Variants in NGLY1 observed in about 807,000 individuals in gnomAD.
NGLY1 encodes N-glycanase 1, also known as peptide-N(4)-(N-acetyl-beta-glucosaminyl)asparagine amidase.
In NGLY1, 68 loss-of-function variants were observed where a neutral mutation model predicts 84.6. The observed-to-expected ratio is 0.80, with a 90% CI of 0.66 to 0.98. The LOEUF (loss-of-function observed/expected upper bound fraction) is 0.98. Ranked by LOEUF, NGLY1 falls within the 50% of genes least tolerant of loss-of-function variation. The pLI is 0.00. For missense variants in NGLY1, 779 were observed against 770.2 expected (o/e 1.01, Z -0.14); for synonymous variants, 280 against 275.2 (o/e 1.02, Z -0.17).
Position 25,739,802 on chromosome 3 carries a change from G to C in NGLY1, c.659-3C>G. ...ATCCTCATCACTTATATTGATACCTGAGAAATTAAGGGAGGACCAAGTAAG... is the reference window on the plus strand; with the variant it reads ...ATCCTCATCACTTATATTGATACCTCAGAAATTAAGGGAGGACCAAGTAAG... On this transcript the variant is annotated splice_polypyrimidine_tract_variant and splice_region_variant and intron_variant, in intron 4 of 11. Coordinates refer to ENST00000280700, the MANE Select transcript of NGLY1 (RefSeq NM_018297.4). 6.2e-7 allele frequency: 1 copy of C among 1,610,066 alleles called. No individual in the cohort carries two copies. Among genetic ancestry groups the C allele is most frequent in the Non-Finnish European group, 8.5e-7 (1 of 1,177,686 alleles).
intron 4 of NGLY1, among the ~76,000 whole-genome samples, chr3:25,745,915 T>C (rs1247101180): frequency 2.0e-5 from 3 of 152,246 alleles, no homozygotes; most frequent in African/African-American, 7.2e-5. Context: ...CTGCTGTATG[T>C]TCAATTATAG....
Position 25,764,266 on chromosome 3 carries a change from G to T in NGLY1, c.292C>A (p.Leu98Met). The change falls in exon 3 of 12, where the codon CTG becomes ATG. Residue 98 changes from leucine to methionine, a missense_variant. Coordinates refer to ENST00000280700, the MANE Select transcript of NGLY1 (RefSeq NM_018297.4). Reference protein sequence around the residue: ...IFPKKASVEQLQKIRDLIAIE... With the variant: ...IFPKKASVEQMQKIRDLIAIE... ...GCAATCAGGTCACGAATTTTTTGCA[G>T]CTGCTCCACTGAAGCTTTTTTAGGA... 1 of 1,614,022 alleles carries T rather than the reference G, an allele frequency of 6.2e-7. No individual in the cohort carries two copies. Among genetic ancestry groups the T allele is most frequent in the Non-Finnish European group, 8.5e-7 (1 of 1,180,010 alleles).
chr3:25,736,039 T>G lies in NGLY1; in HGVS notation c.1114A>C (p.Lys372Gln), dbSNP rs750369123. 2 of 1,613,944 alleles carry G rather than the reference T, an allele frequency of 1.2e-6. No individual in the cohort carries two copies. Among genetic ancestry groups the G allele is most frequent in the South Asian group, 2.2e-5 (2 of 91,048 alleles). The change falls in exon 7 of 12, where the codon AAG becomes CAG. Residue 372 changes from lysine to glutamine, a missense_variant. Coordinates refer to ENST00000280700, the MANE Select transcript of NGLY1 (RefSeq NM_018297.4). ...PLLYEIGWGK[K>Q]LSYVIAFSKD... is the part of the protein sequence containing the mutation. ...GAAAATGCTATGACATAGGAAAGCT[T>G]CTTGCCCCATCCTATTTCATAAAGG...
At chr3:25,775,927 A>G (rs1467894690) in intron 2 of NGLY1, among the ~76,000 whole-genome samples, 1 of 152,244 alleles carries the variant, frequency 6.6e-6, no homozygotes, top group Non-Finnish European at 1.5e-5. Flanking sequence ...TTCATTACAC[A>G]TTTGTATGCT....
rs1457146855 is a variant in NGLY1 at position 25,721,768 on chromosome 3, A to AG, written c.1612-1578_1612-1577insC. On this transcript the variant is annotated intron_variant, in intron 10 of 11. Coordinates refer to ENST00000280700, the MANE Select transcript of NGLY1 (RefSeq NM_018297.4). ...CATCTCAAAAAAAAAAAAAAAAAAAAAAAAAAGAAAAGAAAAAATCCTCCA... is the reference window on the plus strand; with the variant it reads ...CATCTCAAAAAAAAAAAAAAAAAAAAGAAAAAAGAAAAGAAAAAATCCTCCA... 1.3e-3 allele frequency among the ~76,000 whole-genome samples: 201 copies of AG among 150,814 alleles called. 1 individual carries two copies. The highest frequency in any genetic ancestry group is 4.6e-3 in the African/African-American group (189 of 41,140).
intron 3 of NGLY1, among the ~76,000 whole-genome samples, chr3:25,754,101 C>CA (rs1459364584): frequency 6.6e-6 from 1 of 152,120 alleles, no homozygotes; most frequent in African/African-American, 2.4e-5. Context: ...ACATTACCCT[C>CA]AAAAAGCAAG....
Position 25,719,405 on chromosome 3 carries a change from A to G in NGLY1, c.*55T>C, listed in dbSNP as rs1337966465. 14 of 1,509,430 alleles carry G rather than the reference A, an allele frequency of 9.3e-6. No individual in the cohort carries two copies. The highest frequency in any genetic ancestry group is 1.2e-5 in the Non-Finnish European group (13 of 1,093,724). The allele number at this position is 1,509,430 out of a possible 1,614,324, so 93.5% of individuals were successfully genotyped here. ...CCAACTAAGCATGCACTGAACCAAC[A>G]GACTACTTCAGTAAGTCCTTGATTA... On this transcript the variant is annotated 3_prime_UTR_variant, in exon 12 of 12. Transcript: ENST00000280700.
chr3:25,781,393 A>C (rs1197994038), intron 1 of NGLY1, among the ~76,000 whole-genome samples: 1 of 152,198 alleles, frequency 6.6e-6, no homozygotes, highest in African/African-American at 2.4e-5. Context: ...GAGTAAACTG[A>C]CCGTGGTTTT....
At chr3:25,770,656 T>C (rs1280095912) in intron 2 of NGLY1, among the ~76,000 whole-genome samples, 1 of 152,220 alleles carries the variant, frequency 6.6e-6, no homozygotes, top group African/African-American at 2.4e-5. Flanking sequence ...CTGTTTTCCA[T>C]AGGGGTCATA....
upstream of NGLY1, among the ~76,000 whole-genome samples, chr3:25,788,391 A>C (rs915965101): frequency 2.6e-5 from 4 of 152,224 alleles, no homozygotes; most frequent in African/African-American, 4.8e-5. Context: ...AGCAGAGCCC[A>C]TTTGAAGATT....
chr3:25,778,781 C>T (rs1708267267), intron 1 of NGLY1, 93 bp from the exon 2 acceptor site: 4 of 578,876 alleles, frequency 6.9e-6, no homozygotes, highest in South Asian at 5.9e-5. Context: ...CTAGGTATAC[C>T]TTTATAGTCA....
intron 4 of NGLY1, among the ~76,000 whole-genome samples, chr3:25,742,048 A>G (rs1001801475): frequency 6.6e-6 from 1 of 152,188 alleles, no homozygotes; most frequent in Non-Finnish European, 1.5e-5. Flanking sequence ...TAAATCAGTA[A>G]GAACATTAAG....
At position 25,736,384 on chromosome 3, in the gene NGLY1, T is replaced by C. The variant is rs562065034; in HGVS notation, c.1004-235A>G. ...CCTTTAACGTGGTCAGTTTTAGGCT[T>C]AATGTGCGCTGTAACTCTTAAGAAG... On this transcript the variant is annotated intron_variant, in intron 6 of 11. Transcript: ENST00000280700. 1.0e-5 allele frequency: 16 copies of C among 1,550,966 alleles called. No individual in the cohort carries two copies. In the East Asian group the frequency reaches 1.2e-4, roughly 12 times the overall value.
intron 8 of NGLY1, 68 bp from the exon 9 acceptor site, chr3:25,732,551 A>T: frequency 8.6e-7 from 1 of 1,159,756 alleles, no homozygotes; most frequent in Non-Finnish European, 1.2e-6. Flanking sequence ...TCTAAGCAAG[A>T]ATATACTTAA....
chr3:25,746,519 A>T (rs1353201081), intron 4 of NGLY1, among the ~76,000 whole-genome samples: 1 of 152,214 alleles, frequency 6.6e-6, no homozygotes, highest in Non-Finnish European at 1.5e-5. Context: ...AGAAAGAAAA[A>T]ATGCTGGAGC....
At chr3:25,758,992 T>C (rs940269022) in intron 3 of NGLY1, among the ~76,000 whole-genome samples, 4 of 152,246 alleles carry the variant, frequency 2.6e-5, no homozygotes, top group African/African-American at 9.6e-5. Context: ...CCTGGAATTA[T>C]GTTCAGAAAT....
At position 25,741,514 on chromosome 3, in the gene NGLY1, T is replaced by C. The variant is rs547383205; in HGVS notation, c.659-1715A>G. On this transcript the variant is annotated intron_variant, in intron 4 of 11. Coordinates refer to ENST00000280700, the MANE Select transcript of NGLY1 (RefSeq NM_018297.4). ...AATAATATAAAATAATAGAAGTTTA[T>C]AGGTGAGTATGTTTATGTTTATGAC... is the stretch of plus-strand genomic sequence containing the variant. Among the ~76,000 whole-genome samples the C allele has an allele frequency of 1.1e-4, 16 of 152,176 alleles. No individual in the cohort carries two copies. In the South Asian group the frequency reaches 1.9e-3, roughly 18 times the overall value.
At chr3:25,736,432 T>C (rs1705829898) in intron 6 of NGLY1, 1 of 1,494,700 alleles carries the variant, frequency 6.7e-7, no homozygotes, top group Admixed American at 2.0e-5. Flanking sequence ...AAGAGCAGCA[T>C]AAAAAATATC....
chr3:25,759,309 T>C (rs1387730163), intron 3 of NGLY1, among the ~76,000 whole-genome samples: 1 of 148,490 alleles, frequency 6.7e-6, no homozygotes, highest in Admixed American at 6.7e-5. Flanking sequence ...CTAGGATTAG[T>C]ATAGAAACAG....
Sources: gnomAD v4.1 joint callset for allele counts (sites outside exome capture counted in the v4.1 genomes callset) on GRCh38, gnomAD v4.1.1 for gene constraint, MANE v1.5 for transcripts, NCBI Gene and HGNC (gene_info 2026-07-23, HGNC 2026-07-21) for gene names.